Variants in TRAF1 observed in about 807,000 individuals in gnomAD.
The protein encoded by TRAF1 is TNF receptor-associated factor 1.
Under a neutral mutation model 40.9 loss-of-function variants are expected in TRAF1, and 23 were observed. The observed-to-expected ratio is 0.56, with a 90% CI of 0.40 to 0.80. The LOEUF (loss-of-function observed/expected upper bound fraction) is 0.80, where lower values mean the gene tolerates loss of function less well. TRAF1 is among the 30% of genes least tolerant of loss of function. The probability of loss-of-function intolerance (pLI) is 0.00; values close to 1 mark genes in which losing one functional copy is unlikely to be tolerated. For synonymous variants in TRAF1, 206 were observed against 218.8 expected (o/e 0.94, Z 0.52); for missense variants, 477 against 528.7 (o/e 0.90, Z 0.96).
Position 120,909,236 on chromosome 9 carries a change from C to A in TRAF1, c.1026G>T (p.Arg342=). The change falls in exon 7 of 8, where the codon CGG becomes CGT. Residue 342 remains arginine (R), a synonymous_variant. Transcript: ENST00000373887. ...EYDALLPWPF[R]NKVTFMLLDQ... The stretch of plus-strand genomic sequence containing the variant: ...ATCACCTTCACACCCATACCTTGTT[C>A]CGGAAGGGCCACGGCAGCAGCGCAT... 1 of 1,613,816 alleles carries A rather than the reference C, an allele frequency of 6.2e-7. No individual in the cohort carries two copies. The highest frequency in any genetic ancestry group is 1.3e-5 in the African/African-American group (1 of 75,030).
At chr9:120,906,182 T>TTTG (rs1554714692) in intron 7 of TRAF1, among the ~76,000 whole-genome samples, 341 of 142,566 alleles carry the variant, frequency 2.4e-3, no homozygotes, top group Middle Eastern at 0.011. Flanking sequence ...TGTTTTTTTT[T>TTTG]TTTTTTTTTT....
intron 2 of TRAF1, among the ~76,000 whole-genome samples, chr9:120,924,447 C>T (rs2046625267): frequency 6.8e-6 from 1 of 146,432 alleles, no homozygotes. Context: ...CAGGGTCTTA[C>T]TCTGTAGCCC....
chr9:120,919,601 G>C (rs952515355), intron 3 of TRAF1, among the ~76,000 whole-genome samples: 3 of 152,168 alleles, frequency 2.0e-5, no homozygotes, highest in African/African-American at 7.2e-5. Flanking sequence ...TGGTGCTGAG[G>C]GGGTGCTCTA....
At position 120,902,585 on chromosome 9, in the gene TRAF1, T is replaced by TCCC. The variant is rs1410723391; in HGVS notation, c.*2432_*2434dup. 1 of 151,580 alleles carries TCCC rather than the reference T, an allele frequency of 6.6e-6. No individual in the cohort carries two copies. Among genetic ancestry groups the TCCC allele is most frequent in the Non-Finnish European group, 1.5e-5 (1 of 67,976 alleles). 9.4% of individuals were successfully genotyped at this position (151,580 alleles called of 1,614,324 possible). On this transcript the variant is annotated 3_prime_UTR_variant, in exon 8 of 8. Coordinates refer to ENST00000373887, the MANE Select transcript of TRAF1 (RefSeq NM_005658.5). The stretch of plus-strand genomic sequence containing the variant: ...AGTTCATCTGACCCTTCTGACTCCC[T>TCCC]CCCCCATCCTGCCACACAGACCCTG...
intron 3 of TRAF1, among the ~76,000 whole-genome samples, chr9:120,919,708 C>T (rs2046592788): frequency 1.3e-5 from 2 of 152,222 alleles, no homozygotes; most frequent in Admixed American, 6.5e-5. Context: ...CTCTGCTCAG[C>T]TCGACCGCCA....
intron 3 of TRAF1, among the ~76,000 whole-genome samples, chr9:120,916,296 T>G (rs1166311439): frequency 2.0e-5 from 3 of 151,910 alleles, no homozygotes; most frequent in African/African-American, 7.3e-5. Flanking sequence ...GAGCTGTGGG[T>G]GGGGAGGGGA....
At chr9:120,911,559 G>A in intron 5 of TRAF1, 46 bp from the exon 6 acceptor site, 1 of 1,585,500 alleles carries the variant, frequency 6.3e-7, no homozygotes, top group Non-Finnish European at 8.6e-7. Flanking sequence ...CCCGGCTTGG[G>A]GATGGGATGG....
chr9:120,917,204 C>T (rs2131629028), intron 3 of TRAF1, among the ~76,000 whole-genome samples: 1 of 152,238 alleles, frequency 6.6e-6, no homozygotes, highest in East Asian at 1.9e-4. Flanking sequence ...CTGTGATGAG[C>T]CTTGAACAGT....
At chr9:120,921,430 CTA>C (rs3216670) in intron 3 of TRAF1, among the ~76,000 whole-genome samples, 2 of 152,096 alleles carry the variant, frequency 1.3e-5, no homozygotes, top group East Asian at 3.9e-4. Flanking sequence ...ATTAAAATAT[CTA>C]TGTGATCTAA....
rs1254332444 is a variant in TRAF1 at position 120,923,699 on chromosome 9, A to T, written c.228+6T>A. On this transcript the variant is annotated splice_donor_region_variant and intron_variant, in intron 3 of 7. Transcript: ENST00000373887. The stretch of plus-strand genomic sequence containing the variant: ...ACAAATGCCTTTCTGTGATGTGCCA[A>T]CGTACCTTCTCCTGAGTTCGAAGAC... 3.1e-6 allele frequency: 5 copies of T among 1,614,074 alleles called. No homozygotes were observed. The Admixed American group carries it at 8.3e-5, about 27-fold the overall frequency.
chr9:120,914,608 C>A lies in TRAF1; in HGVS notation c.229-308G>T. On this transcript the variant is annotated intron_variant, in intron 3 of 7. Coordinates refer to ENST00000373887, the MANE Select transcript of TRAF1 (RefSeq NM_005658.5). Reference sequence around the variant, plus strand: ...TGGTTGCCCCGACTGGTCGGGGGGGCTCTGTGAGGGCCATGGCTGTGTTCC... The same window carrying A: ...TGGTTGCCCCGACTGGTCGGGGGGGATCTGTGAGGGCCATGGCTGTGTTCC... 2.9e-6 allele frequency: 3 copies of A among 1,046,308 alleles called. No individual in the cohort carries two copies. The South Asian group carries it at 1.4e-4, about 48-fold the overall frequency. The allele number at this position is 1,046,308 out of a possible 1,614,324, so 64.8% of individuals were successfully genotyped here.
chr9:120,919,320 T>C (rs930673901), intron 3 of TRAF1, among the ~76,000 whole-genome samples: 1 of 152,170 alleles, frequency 6.6e-6, no homozygotes, highest in Non-Finnish European at 1.5e-5. Context: ...TCTGTCTGGG[T>C]CTGAGGAGTC....
chr9:120,922,589 GA>G (rs879898297), intron 3 of TRAF1, among the ~76,000 whole-genome samples: 2 of 152,156 alleles, frequency 1.3e-5, no homozygotes, highest in Non-Finnish European at 2.9e-5. Flanking sequence ...TGTAGCTCCT[GA>G]AAATGTCTCT....
At chr9:120,921,733 C>A (rs537069389) in intron 3 of TRAF1, among the ~76,000 whole-genome samples, 1 of 152,248 alleles carries the variant, frequency 6.6e-6, no homozygotes, top group South Asian at 2.1e-4. Context: ...GAGGGCCTGC[C>A]GATGGAGAGG....
intron 3 of TRAF1, among the ~76,000 whole-genome samples, chr9:120,916,092 G>C (rs745840251): frequency 2.6e-5 from 4 of 152,158 alleles, no homozygotes; most frequent in Non-Finnish European, 4.4e-5. Context: ...AAACAAATTG[G>C]TCTATATATA....
At chr9:120,914,575 T>C in intron 3 of TRAF1, 1 of 1,107,794 alleles carries the variant, frequency 9.0e-7, no homozygotes, top group African/African-American at 1.6e-5. Flanking sequence ...TAATCATCAC[T>C]CACTCTCTGG....
intron 3 of TRAF1, among the ~76,000 whole-genome samples, chr9:120,921,643 C>G (rs923913347): frequency 2.6e-5 from 4 of 151,960 alleles, no homozygotes; most frequent in African/African-American, 7.3e-5. Flanking sequence ...CTCCACGGAG[C>G]AGCATATCAT....
chr9:120,912,646 ACT>A (rs928267852), intron 5 of TRAF1, among the ~76,000 whole-genome samples: 42 of 150,666 alleles, frequency 2.8e-4, no homozygotes, highest in Non-Finnish European at 1.5e-4. Flanking sequence ...ACAGAGCAAT[ACT>A]CTGTCTCAAA....
At chr9:120,914,420 A>T in intron 3 of TRAF1, 120 bp from the exon 4 acceptor site, 1 of 1,264,672 alleles carries the variant, frequency 7.9e-7, no homozygotes, top group Non-Finnish European at 1.0e-6. Context: ...GACTTTGCAC[A>T]CTGCTGTTCC....
Sources: allele counts gnomAD v4.1 joint callset (sites outside exome capture counted in the v4.1 genomes callset), GRCh38; gene constraint gnomAD v4.1.1; transcripts MANE v1.5; gene names NCBI Gene and HGNC (gene_info 2026-07-23, HGNC 2026-07-21).